SLC38A12: variants seen among roughly 807,000 people sequenced by gnomAD.
The protein encoded by SLC38A12 is putative sodium-coupled neutral amino acid transporter 12.
At chr17:74,819,678 G>A in the SLC38A12 span, 1 of 1,464,320 alleles carries the variant, frequency 6.8e-7, no homozygotes, top group Non-Finnish European at 9.6e-7. Context: ...CACGTGAGCA[G>A]CAGCGTCTTC....
the SLC38A12 span, among the ~76,000 whole-genome samples, chr17:74,801,788 G>T: frequency 6.6e-6 from 1 of 152,116 alleles, no homozygotes; most frequent in African/African-American, 2.4e-5. Context: ...GGCCTGTGTT[G>T]TTCTTGCTTG....
the SLC38A12 span, among the ~76,000 whole-genome samples, chr17:74,810,641 C>G: frequency 6.6e-6 from 1 of 152,212 alleles, no homozygotes; most frequent in Admixed American, 6.5e-5. Context: ...GGCACAAATC[C>G]CATCCCCTCC....
chr17:74,786,471 G>T, the SLC38A12 span, among the ~76,000 whole-genome samples: 1 of 152,362 alleles, frequency 6.6e-6, no homozygotes, highest in Non-Finnish European at 1.5e-5. Context: ...ATGTTGTGGG[G>T]AGAAGTGACA....
chr17:74,810,545 G>C, the SLC38A12 span, among the ~76,000 whole-genome samples: 1 of 152,216 alleles, frequency 6.6e-6, no homozygotes, highest in Admixed American at 6.5e-5. Context: ...TCTGCACCAG[G>C]TACACAGTAT....
the SLC38A12 span, chr17:74,836,859 G>A: frequency 1.4e-6 from 2 of 1,405,332 alleles, no homozygotes; most frequent in Non-Finnish European, 1.8e-6. The surrounding 1 kb of genome is among the most constrained non-coding windows in gnomAD (Gnocchi z 4.2). Context: ...CTTCCACCCA[G>A]TCTGCACCTG....
At chr17:74,783,682 A>G in the SLC38A12 span, among the ~76,000 whole-genome samples, 1 of 150,860 alleles carries the variant, frequency 6.6e-6, no homozygotes, top group African/African-American at 2.4e-5. Context: ...CAATAGCTCC[A>G]AGGCAGGAGT....
the SLC38A12 span, chr17:74,790,345 G>A: frequency 1.3e-6 from 2 of 1,554,654 alleles, no homozygotes; most frequent in Non-Finnish European, 8.9e-7. Context: ...GGGCCACAGG[G>A]TTCCCTTTCT....
chr17:74,795,948 T>C, the SLC38A12 span, among the ~76,000 whole-genome samples: 1 of 152,210 alleles, frequency 6.6e-6, no homozygotes, highest in East Asian at 1.9e-4. Context: ...AGCAGAGTTC[T>C]CCAAGAGTGA....
chr17:74,795,599 C>T, the SLC38A12 span: 5 of 1,613,926 alleles, frequency 3.1e-6, no homozygotes, highest in Middle Eastern at 1.6e-4. Flanking sequence ...GCTGGGGGCC[C>T]CTGCGCCGAG....
At chr17:74,793,881 G>C in the SLC38A12 span, among the ~76,000 whole-genome samples, 2 of 152,126 alleles carry the variant, frequency 1.3e-5, no homozygotes. Context: ...TCCCCCCCAG[G>C]CTCCTAGGAA....
At chr17:74,778,639 CTTTTTTTTTTT>C in the SLC38A12 span, among the ~76,000 whole-genome samples, 1 of 75,786 alleles carries the variant, frequency 1.3e-5, no homozygotes, top group Non-Finnish European at 2.4e-5. Context: ...CAGGGGAAGT[CTTTTTTTTTTT>C]TTTTTTTTTT....
At chr17:74,785,902 C>T in the SLC38A12 span, among the ~76,000 whole-genome samples, 1 of 152,202 alleles carries the variant, frequency 6.6e-6, no homozygotes, top group Non-Finnish European at 1.5e-5. Flanking sequence ...GTTTACCTCC[C>T]TGCTATTAAA....
the SLC38A12 span, among the ~76,000 whole-genome samples, chr17:74,806,339 G>A: frequency 1.3e-5 from 2 of 152,106 alleles, no homozygotes; most frequent in African/African-American, 4.8e-5. Context: ...CTGTGACCCC[G>A]GCTAACCCAG....
the SLC38A12 span, chr17:74,790,425 C>G: frequency 3.6e-6 from 3 of 824,286 alleles, no homozygotes; most frequent in Non-Finnish European, 6.1e-6. Flanking sequence ...CTGAGGCAGG[C>G]CCTGTGGTAG....
the SLC38A12 span, among the ~76,000 whole-genome samples, chr17:74,831,555 C>T: frequency 1.3e-5 from 2 of 152,370 alleles, no homozygotes; most frequent in Admixed American, 1.3e-4. Context: ...GCCTCCTCCT[C>T]TGTCCTCCCC....
At chr17:74,793,051 C>A in the SLC38A12 span, among the ~76,000 whole-genome samples, 1 of 152,236 alleles carries the variant, frequency 6.6e-6, no homozygotes, top group Non-Finnish European at 1.5e-5. Context: ...AGAATTCTAG[C>A]AAACAGCAGT....
At chr17:74,810,318 T>C in the SLC38A12 span, among the ~76,000 whole-genome samples, 1 of 152,228 alleles carries the variant, frequency 6.6e-6, no homozygotes, top group African/African-American at 2.4e-5. Flanking sequence ...TCGGTCATCA[T>C]GTGAATCTTT....
At chr17:74,827,497 T>C in the SLC38A12 span, among the ~76,000 whole-genome samples, 2 of 152,110 alleles carry the variant, frequency 1.3e-5, no homozygotes, top group South Asian at 2.1e-4. This position sits in a 1 kb window ranked among gnomAD's most constrained non-coding sequence, Gnocchi z 4.7. Context: ...GTTTTCTCCA[T>C]GTTGGCCAGG....
At chr17:74,805,335 G>A in the SLC38A12 span, among the ~76,000 whole-genome samples, 1 of 152,226 alleles carries the variant, frequency 6.6e-6, no homozygotes, top group South Asian at 2.1e-4. This position sits in a 1 kb window ranked among gnomAD's most constrained non-coding sequence, Gnocchi z 5.0. Context: ...AGAGAAGAGG[G>A]GCTGTGCGTG....
Sources: gnomAD v4.1 joint callset for allele counts (sites outside exome capture counted in the v4.1 genomes callset) on GRCh38, gnomAD v4.1.1 for gene constraint, Gnocchi (gnomAD v3.1) non-coding constraint, MANE v1.5 for transcripts, NCBI Gene and HGNC (gene_info 2026-07-23, HGNC 2026-07-21) for gene names.